CNTN1: variants seen among roughly 807,000 people sequenced by gnomAD.
CNTN1 encodes contactin-1.
CNTN1 carries 38 observed loss-of-function variants against 126.4 expected under a neutral mutation model. That is an observed-to-expected ratio of 0.30 (90% CI 0.23 to 0.39). The LOEUF is 0.39. Among genes scored for constraint, CNTN1 ranks in the 10% least tolerant of loss-of-function variants. CNTN1 has a pLI of 1.00. For synonymous variants in CNTN1, 413 were observed against 422.6 expected, an observed-to-expected ratio of 0.98 and a Z score of 0.28; for missense variants, 1,009 against 1,248.4, an observed-to-expected ratio of 0.81 and a Z score of 2.89.
intron 1 of CNTN1, among the ~76,000 whole-genome samples, chr12:40,903,556 C>T (rs1156609105): frequency 1.3e-5 from 2 of 152,092 alleles, no homozygotes; most frequent in Non-Finnish European, 2.9e-5. Flanking sequence ...GCCTTCTCTA[C>T]TGTGCTGCTG....
intron 17 of CNTN1, among the ~76,000 whole-genome samples, chr12:41,012,966 A>C (rs1308423487): frequency 1.3e-5 from 2 of 152,100 alleles, no homozygotes; most frequent in African/African-American, 4.8e-5. Flanking sequence ...GGAGTTTAGG[A>C]GTGGAGATTT....
chr12:40,811,267 C>A (rs1565770075), intron 1 of CNTN1, among the ~76,000 whole-genome samples: 1 of 152,108 alleles, frequency 6.6e-6, no homozygotes, highest in Non-Finnish European at 1.5e-5. Context: ...TATTACATAA[C>A]CCTTTGCTGG....
chr12:40,789,967 A>T (rs1050657498), intron 1 of CNTN1, among the ~76,000 whole-genome samples: 3 of 152,124 alleles, frequency 2.0e-5, no homozygotes, highest in African/African-American at 4.8e-5. Flanking sequence ...CTAACTTAAC[A>T]TTTCTTCTTC....
chr12:40,788,887 G>A (rs1004687353), intron 1 of CNTN1, among the ~76,000 whole-genome samples: 4 of 151,938 alleles, frequency 2.6e-5, no homozygotes, highest in Non-Finnish European at 4.4e-5. Flanking sequence ...TAAAGTACCC[G>A]CTACATAGTA....
At chr12:40,974,222 G>A (rs1399671628) in intron 15 of CNTN1, among the ~76,000 whole-genome samples, 1 of 151,968 alleles carries the variant, frequency 6.6e-6, no homozygotes, top group Non-Finnish European at 1.5e-5. Context: ...TATATTTATA[G>A]CAATCAATAA....
Position 40,959,148 on chromosome 12 carries a change from C to T in CNTN1, c.1718C>T (p.Ala573Val), listed in dbSNP as rs771137056. The change falls in exon 15 of 24, where the codon GCG becomes GTG. Residue 573 changes from alanine (A) to valine (V), a missense_variant. Coordinates refer to ENST00000551295, the MANE Select transcript of CNTN1 (RefSeq NM_001843.4). ...DSNGELLIRN[A>V]QLKHAGRYTC... Reference sequence around the variant, plus strand: ...AATGGGGAATTACTAATCCGAAATGCGCAGCTGAAACATGCTGGAAGATAC... The same window carrying T: ...AATGGGGAATTACTAATCCGAAATGTGCAGCTGAAACATGCTGGAAGATAC... 5.6e-6 allele frequency: 9 copies of T among 1,612,596 alleles called. No homozygotes were observed. Among genetic ancestry groups the T allele is most frequent in the East Asian group, 2.2e-5 (1 of 44,796 alleles).
chr12:40,943,745 G>A (rs1320503230), intron 13 of CNTN1, 21 bp downstream of exon 13: 2 of 1,611,306 alleles, frequency 1.2e-6, no homozygotes, highest in Admixed American at 1.7e-5. Flanking sequence ...GTTTGAGGGT[G>A]CTTAATTTCT....
chr12:41,002,025 C>T (rs185363259), intron 17 of CNTN1, among the ~76,000 whole-genome samples: 190 of 152,062 alleles, frequency 1.2e-3, no homozygotes, highest in African/African-American at 4.3e-3. Flanking sequence ...TTTTGATTAC[C>T]GTAGCCCTGT....
intron 1 of CNTN1, among the ~76,000 whole-genome samples, chr12:40,840,360 A>T (rs1383069208): frequency 6.6e-6 from 1 of 151,994 alleles, no homozygotes; most frequent in Non-Finnish European, 1.5e-5. Context: ...ATATTACTAG[A>T]TCTAAAGAGA....
chr12:40,983,468 CGTGTGT>C (rs141568233), intron 16 of CNTN1, among the ~76,000 whole-genome samples: 19 of 145,966 alleles, frequency 1.3e-4, no homozygotes, highest in South Asian at 1.1e-3. Context: ...TGATATTCAC[CGTGTGT>C]GTGTGTGTGT....
chr12:41,014,400 A>G (rs1275375910), intron 18 of CNTN1, 102 bp downstream of exon 18: 2 of 1,139,604 alleles, frequency 1.8e-6, no homozygotes, highest in Non-Finnish European at 2.6e-6. Context: ...GTGACTGCCT[A>G]CTGCACAAGC....
intron 1 of CNTN1, among the ~76,000 whole-genome samples, chr12:40,801,968 A>G (rs1254566874): frequency 2.0e-5 from 3 of 151,842 alleles, no homozygotes. Flanking sequence ...CAAAAAAAAA[A>G]GTAGATGGAA....
intron 1 of CNTN1, chr12:40,729,849 G>A (rs10879095): frequency 0.62 from 111,636 of 179,342 alleles, 35,636 homozygotes; most frequent in East Asian, 0.84. Flanking sequence ...GCTGTGAAAT[G>A]CTAACCTGGC....
At chr12:40,909,749 CAT>C (rs1944962517) in intron 2 of CNTN1, among the ~76,000 whole-genome samples, 1 of 151,174 alleles carries the variant, frequency 6.6e-6, no homozygotes, top group South Asian at 2.1e-4. Flanking sequence ...AATATATTTA[CAT>C]ATATATAATG....
chr12:40,729,917 A>G (rs899896835), intron 1 of CNTN1: 1 of 153,862 alleles, frequency 6.5e-6, no homozygotes, highest in Non-Finnish European at 1.5e-5. Context: ...CCAAAATAGC[A>G]CATCTCAATA....
At chr12:41,054,900 T>C (rs117696958) in intron 23 of CNTN1, among the ~76,000 whole-genome samples, 1,754 of 152,306 alleles carry the variant, frequency 0.012, 18 homozygotes, top group Non-Finnish European at 0.017. Flanking sequence ...GAACAGTATG[T>C]CATTTGTGGT....
chr12:40,986,504 C>T (rs1244512970), intron 16 of CNTN1, among the ~76,000 whole-genome samples: 1 of 152,076 alleles, frequency 6.6e-6, no homozygotes, highest in African/African-American at 2.4e-5. Context: ...TTTTCCTGTC[C>T]TGCTATCAGA....
intron 1 of CNTN1, among the ~76,000 whole-genome samples, chr12:40,728,359 G>T (rs376314926): frequency 1.3e-5 from 2 of 152,234 alleles, no homozygotes. Flanking sequence ...GAAGATGACT[G>T]CTAAGCCTTT....
At chr12:40,916,883 T>C (rs1490793587) in intron 3 of CNTN1, among the ~76,000 whole-genome samples, 2 of 152,080 alleles carry the variant, frequency 1.3e-5, no homozygotes, top group Non-Finnish European at 2.9e-5. Context: ...TTCTTCTGAT[T>C]CTGATCCAGC....
Sources: allele counts gnomAD v4.1 joint callset (sites outside exome capture counted in the v4.1 genomes callset), GRCh38; gene constraint gnomAD v4.1.1; transcripts MANE v1.5; gene names NCBI Gene and HGNC (gene_info 2026-07-23, HGNC 2026-07-21).